Variants in PPP1R12A observed in about 807,000 individuals in gnomAD.
PPP1R12A encodes protein phosphatase 1 regulatory subunit 12A.
PPP1R12A carries 19 observed loss-of-function variants against 139.6 expected under a neutral mutation model. That is an observed-to-expected ratio of 0.14 (90% CI 0.09 to 0.20). The LOEUF (loss-of-function observed/expected upper bound fraction) is 0.20, where lower values mean the gene tolerates loss of function less well. Among genes scored for constraint, PPP1R12A ranks in the 10% least tolerant of loss-of-function variants. PPP1R12A has a pLI of 1.00. For synonymous variants in PPP1R12A, 427 were observed against 420.6 expected (o/e 1.02, Z -0.19); for missense variants, 925 against 1,211.5 (o/e 0.76, Z 3.51).
chr12:79,807,298 T>A lies in PPP1R12A; in HGVS notation c.1583A>T (p.Tyr528Phe), dbSNP rs1217198357. 1 of 1,555,616 alleles carries A rather than the reference T, an allele frequency of 6.4e-7. No individual in the cohort carries two copies. The highest frequency in any genetic ancestry group is 1.9e-5 in the Admixed American group (1 of 51,474). Reference sequence around the variant, plus strand: ...ATCATCTTCCCATTTTCTCCTTGTATATGAACTACTTGTTCGCAAACTTGA... The same window carrying A: ...ATCATCTTCCCATTTTCTCCTTGTAAATGAACTACTTGTTCGCAAACTTGA... ...DSSSLRTSSS[Y>F]TRRKWEDDLK... Residue 528 changes from tyrosine (Y) to phenylalanine (F), a missense_variant, in exon 12 of 25, where the codon TAT (tyrosine) becomes TTT (phenylalanine). Tyr to Phe is a conservative substitution (Grantham distance 22). Coordinates refer to ENST00000450142, the MANE Select transcript of PPP1R12A (RefSeq NM_002480.3).
intron 23 of PPP1R12A, chr12:79,778,805 T>G: frequency 2.7e-6 from 1 of 369,172 alleles, no homozygotes; most frequent in Admixed American, 4.1e-5. Context: ...TACAAGCTCT[T>G]AATTTAAAGC....
At chr12:79,887,570 G>A (rs2137407298) in intron 1 of PPP1R12A, among the ~76,000 whole-genome samples, 1 of 152,238 alleles carries the variant, frequency 6.6e-6, no homozygotes, top group East Asian at 1.9e-4. Context: ...TAAATGTTAT[G>A]CAGGTCTCAT....
At chr12:79,914,453 G>A (rs951615222) in intron 1 of PPP1R12A, among the ~76,000 whole-genome samples, 1 of 151,840 alleles carries the variant, frequency 6.6e-6, no homozygotes, top group South Asian at 2.1e-4. Context: ...TATAAAGGGG[G>A]TCCTAAAACC....
chr12:79,846,525 G>A (rs1879419721), intron 2 of PPP1R12A, among the ~76,000 whole-genome samples: 1 of 151,192 alleles, frequency 6.6e-6, no homozygotes, highest in African/African-American at 2.4e-5. Flanking sequence ...CACCTCCCAG[G>A]TTCATGCCAT....
At chr12:79,790,395 T>C (rs1182767378) in intron 20 of PPP1R12A, 72 bp downstream of exon 20, 1 of 1,064,760 alleles carries the variant, frequency 9.4e-7, no homozygotes, top group Admixed American at 3.1e-5. Context: ...AATCCATAAA[T>C]TCCTAGCAAC....
At chr12:79,781,575 T>C (rs967675185) in intron 23 of PPP1R12A, among the ~76,000 whole-genome samples, 1 of 152,072 alleles carries the variant, frequency 6.6e-6, no homozygotes, top group Non-Finnish European at 1.5e-5. Context: ...GCAAGACAGT[T>C]TTTTTAAATT....
At chr12:79,861,390 G>A (rs1881290845) in intron 2 of PPP1R12A, among the ~76,000 whole-genome samples, 1 of 152,214 alleles carries the variant, frequency 6.6e-6, no homozygotes, top group Admixed American at 6.5e-5. Flanking sequence ...CTCCCAGCAA[G>A]ATCGATGCAG....
chr12:79,920,989 T>C (rs1329240567), intron 1 of PPP1R12A, among the ~76,000 whole-genome samples: 1 of 152,264 alleles, frequency 6.6e-6, no homozygotes, highest in Non-Finnish European at 1.5e-5. Context: ...TGTGAACTAG[T>C]ATCTCATTGT....
chr12:79,803,738 C>G (rs1473212897), intron 14 of PPP1R12A, among the ~76,000 whole-genome samples: 1 of 152,042 alleles, frequency 6.6e-6, no homozygotes, highest in African/African-American at 2.4e-5. Context: ...CAAAAAACCT[C>G]TATAATATAG....
intron 1 of PPP1R12A, among the ~76,000 whole-genome samples, chr12:79,912,647 T>G (rs556843775): frequency 6.6e-6 from 1 of 151,804 alleles, no homozygotes; most frequent in South Asian, 2.1e-4. Context: ...TGAGCCGTGA[T>G]TGTGCCATTG....
intron 14 of PPP1R12A, among the ~76,000 whole-genome samples, chr12:79,800,862 TA>T (rs747573255): frequency 6.6e-6 from 1 of 151,474 alleles, no homozygotes; most frequent in Non-Finnish European, 1.5e-5. Context: ...GCCTCCCGAG[TA>T]GTTGAGACTA....
chr12:79,929,523 T>C (rs931683941), intron 1 of PPP1R12A, among the ~76,000 whole-genome samples: 8 of 152,102 alleles, frequency 5.3e-5, no homozygotes, highest in Non-Finnish European at 1.2e-4. Flanking sequence ...CCTAGCACTT[T>C]GGGAGGCCAA....
At chr12:79,808,790 GATA>G (rs1874170899) in intron 10 of PPP1R12A, among the ~76,000 whole-genome samples, 1 of 152,050 alleles carries the variant, frequency 6.6e-6, no homozygotes, top group South Asian at 2.1e-4. Flanking sequence ...CCTGGAATCA[GATA>G]ATATTTTACT....
intron 14 of PPP1R12A, among the ~76,000 whole-genome samples, chr12:79,802,182 G>C (rs1873267506): frequency 6.6e-6 from 1 of 152,112 alleles, no homozygotes; most frequent in Admixed American, 6.5e-5. Context: ...ATAAAATATT[G>C]AAAGGTCTGT....
chr12:79,819,916 A>C (rs1218268285), intron 8 of PPP1R12A, among the ~76,000 whole-genome samples: 2 of 151,858 alleles, frequency 1.3e-5, no homozygotes, highest in African/African-American at 4.9e-5. Flanking sequence ...ATTTAATAGA[A>C]TACTATACAA....
chr12:79,913,331 T>C (rs1271980152), intron 1 of PPP1R12A, among the ~76,000 whole-genome samples: 1 of 152,240 alleles, frequency 6.6e-6, no homozygotes, highest in African/African-American at 2.4e-5. Flanking sequence ...CTTTTGTATT[T>C]CACATTTAGA....
intron 10 of PPP1R12A, 26 bp from the exon 11 acceptor site, chr12:79,808,603 A>G: frequency 6.9e-7 from 1 of 1,439,482 alleles, no homozygotes; most frequent in Non-Finnish European, 9.7e-7. Flanking sequence ...AAAAATAAGT[A>G]AAAATTAATT....
chr12:79,788,638 A>G lies in PPP1R12A; in HGVS notation c.2802+10T>C. The G allele has an allele frequency of 1.3e-6, 2 of 1,590,684 alleles. No individual in the cohort carries two copies. The highest frequency in any genetic ancestry group is 1.7e-6 in the Non-Finnish European group (2 of 1,171,820). On this transcript the variant is annotated intron_variant, in intron 21 of 24. Transcript: ENST00000450142. The stretch of plus-strand genomic sequence containing the variant: ...ACTTTTTATTAAATATAACTAAATA[A>G]CCCAAGTACCTTTTTAAAGTCAGTT...
At chr12:79,900,533 A>C (rs1022601616) in intron 1 of PPP1R12A, among the ~76,000 whole-genome samples, 1 of 152,190 alleles carries the variant, frequency 6.6e-6, no homozygotes, top group Non-Finnish European at 1.5e-5. Flanking sequence ...TCATGAACAA[A>C]GCTTTTCAAG....
Sources: allele counts gnomAD v4.1 joint callset (sites outside exome capture counted in the v4.1 genomes callset), GRCh38; gene constraint gnomAD v4.1.1; transcripts MANE v1.5; gene names NCBI Gene and HGNC (gene_info 2026-07-23, HGNC 2026-07-21).